DPP10: variants seen among roughly 807,000 people sequenced by gnomAD.
DPP10 encodes the protein dipeptidyl peptidase like 10.
In DPP10, 33 loss-of-function variants were observed where a neutral mutation model predicts 120.9. That is an observed-to-expected ratio of 0.27 (90% CI 0.21 to 0.37). The LOEUF (loss-of-function observed/expected upper bound fraction) is 0.37. Among genes scored for constraint, DPP10 ranks in the 10% least tolerant of loss-of-function variants. The pLI is 1.00. For missense variants in DPP10, 816 were observed against 942.8 expected, an observed-to-expected ratio of 0.87 and a Z score of 1.76; for synonymous variants, 337 against 326.1, an observed-to-expected ratio of 1.03 and a Z score of -0.36.
chr2:115,243,512 A>C (rs1287650529), intron 1 of DPP10, among the ~76,000 whole-genome samples: 1 of 152,148 alleles, frequency 6.6e-6, no homozygotes, highest in Non-Finnish European at 1.5e-5. Flanking sequence ...ACATTATTTT[A>C]TAAATATAAC....
At chr2:115,204,219 A>G (rs1030298164) in intron 1 of DPP10, among the ~76,000 whole-genome samples, 4 of 152,180 alleles carry the variant, frequency 2.6e-5, no homozygotes, top group African/African-American at 4.8e-5. Flanking sequence ...TTAAAAGGCT[A>G]AGTGACCGCT....
chr2:115,064,111 G>A (rs1706646891), intron 1 of DPP10, among the ~76,000 whole-genome samples: 1 of 151,972 alleles, frequency 6.6e-6, no homozygotes, highest in South Asian at 2.1e-4. Flanking sequence ...CTAGATATGG[G>A]ATTGTTGTTC....
At chr2:114,847,053 C>CTATCATATCA (rs143276942) in intron 1 of DPP10, among the ~76,000 whole-genome samples, 47 of 152,048 alleles carry the variant, frequency 3.1e-4, no homozygotes, top group African/African-American at 1.1e-3. Flanking sequence ...GGCAGTGGTG[C>CTATCATATCA]TATCATATCA....
chr2:115,622,414 T>G (rs1312024003), intron 5 of DPP10, among the ~76,000 whole-genome samples: 2 of 152,202 alleles, frequency 1.3e-5, no homozygotes, highest in African/African-American at 4.8e-5. Context: ...TACATTTTAT[T>G]TAGTCATTCC....
intron 1 of DPP10, among the ~76,000 whole-genome samples, chr2:114,459,995 ATCT>A (rs1678789448): frequency 6.6e-6 from 1 of 152,188 alleles, no homozygotes; most frequent in African/African-American, 2.4e-5. Context: ...ATTACCTGAA[ATCT>A]TCTTACAAAC....
At chr2:115,199,590 T>A (rs796895802) in intron 1 of DPP10, among the ~76,000 whole-genome samples, 149 of 152,280 alleles carry the variant, frequency 9.8e-4, no homozygotes, top group African/African-American at 3.3e-3. Flanking sequence ...CTATCTTTTT[T>A]AAAATAACAT....
At chr2:114,741,540 A>G (rs1225289627) in intron 1 of DPP10, among the ~76,000 whole-genome samples, 2 of 152,158 alleles carry the variant, frequency 1.3e-5, no homozygotes, top group Admixed American at 6.6e-5. Context: ...CTAGCCCCCT[A>G]TTATATGTTC....
intron 5 of DPP10, among the ~76,000 whole-genome samples, chr2:115,575,548 T>C (rs981496118): frequency 2.0e-5 from 3 of 152,182 alleles, no homozygotes; most frequent in Non-Finnish European, 2.9e-5. Flanking sequence ...AGGTGCTAGC[T>C]CTGGCTGAAT....
intron 12 of DPP10, among the ~76,000 whole-genome samples, chr2:115,767,298 C>T (rs1428803687): frequency 1.3e-5 from 2 of 152,038 alleles, no homozygotes; most frequent in Non-Finnish European, 1.5e-5. Context: ...TCTAAAAGGG[C>T]TTGAAGGCCA....
intron 3 of DPP10, among the ~76,000 whole-genome samples, chr2:115,476,270 T>G (rs1051815169): frequency 6.6e-6 from 1 of 152,122 alleles, no homozygotes; most frequent in Non-Finnish European, 1.5e-5. Context: ...GATCTGATGT[T>G]TTAAAAGCGT....
At chr2:115,387,765 G>A (rs544183349) in intron 3 of DPP10, among the ~76,000 whole-genome samples, 1 of 152,228 alleles carries the variant, frequency 6.6e-6, no homozygotes, top group African/African-American at 2.4e-5. Context: ...TAAAATACAA[G>A]CCCTGGGTCA....
chr2:114,685,335 A>G (rs1699294825), intron 1 of DPP10, among the ~76,000 whole-genome samples: 1 of 151,142 alleles, frequency 6.6e-6, no homozygotes, highest in Admixed American at 6.6e-5. Context: ...TTATTTTGCC[A>G]CTGACTCTTA....
intron 1 of DPP10, among the ~76,000 whole-genome samples, chr2:114,722,605 T>C (rs1701769491): frequency 6.6e-6 from 1 of 151,428 alleles, no homozygotes; most frequent in Non-Finnish European, 1.5e-5. Flanking sequence ...CGAAACCCCG[T>C]CTCTACTAAA....
chr2:115,650,410 A>AG (rs55765727), intron 5 of DPP10, among the ~76,000 whole-genome samples: 2,894 of 129,776 alleles, frequency 0.022, 49 homozygotes, highest in Admixed American at 0.041. Flanking sequence ...GCATGGGGAA[A>AG]GGGGGGGGGG....
chr2:115,145,534 T>C (rs2051176351), intron 1 of DPP10, among the ~76,000 whole-genome samples: 1 of 152,222 alleles, frequency 6.6e-6, no homozygotes, highest in Admixed American at 6.5e-5. Flanking sequence ...TACCACACTT[T>C]ATTCATCCAT....
Position 115,237,570 on chromosome 2 carries a change from G to T in DPP10, c.61-71669G>T, listed in dbSNP as rs563560088. Reference sequence around the variant, plus strand: ...GAAAAGATTAAGCTTAATGAGGAAGGCATGTCAATAGCCAAGACAGGCCAA... The same window carrying T: ...GAAAAGATTAAGCTTAATGAGGAAGTCATGTCAATAGCCAAGACAGGCCAA... On this transcript the variant is annotated intron_variant, in intron 1 of 25. Transcript: ENST00000410059. Among the ~76,000 whole-genome samples the T allele has an allele frequency of 2.0e-5, 3 of 152,236 alleles. No individual in the cohort carries two copies. The South Asian group carries it at 6.2e-4, about 32-fold the overall frequency.
At chr2:115,107,422 CTTTTTTTTTTTTT>C (rs59046305) in intron 1 of DPP10, among the ~76,000 whole-genome samples, 4 of 59,852 alleles carry the variant, frequency 6.7e-5, no homozygotes, top group South Asian at 7.6e-4. Flanking sequence ...TTGGTTATAG[CTTTTTTTTTTTTT>C]TTTTTTTTTT....
chr2:115,569,361 T>C (rs2081204677), intron 5 of DPP10, among the ~76,000 whole-genome samples: 1 of 152,354 alleles, frequency 6.6e-6, no homozygotes, highest in South Asian at 2.1e-4. Context: ...AAAGAAGTTA[T>C]CTGATTTTAA....
At chr2:114,459,603 A>C (rs776506333) in intron 1 of DPP10, among the ~76,000 whole-genome samples, 2 of 152,154 alleles carry the variant, frequency 1.3e-5, no homozygotes, top group Non-Finnish European at 2.9e-5. Context: ...TCCCCTCTGT[A>C]TTACAAGAGG....
Sources: allele counts gnomAD v4.1 joint callset (sites outside exome capture counted in the v4.1 genomes callset), GRCh38; gene constraint gnomAD v4.1.1; transcripts MANE v1.5; gene names NCBI Gene and HGNC (gene_info 2026-07-23, HGNC 2026-07-21).